Variants in ACTN4 observed in about 807,000 individuals in gnomAD.
The protein encoded by ACTN4 is alpha-actinin-4.
In ACTN4, 18 loss-of-function variants were observed where a neutral mutation model predicts 114.2. The observed-to-expected ratio is 0.16, with a 90% confidence interval of 0.11 to 0.23. The LOEUF (loss-of-function observed/expected upper bound fraction) is 0.23. ACTN4 is among the 10% of genes least tolerant of loss of function. The probability of loss-of-function intolerance (pLI) is 1.00; values close to 1 mark genes in which losing one functional copy is unlikely to be tolerated. For synonymous variants in ACTN4, 515 were observed against 506.3 expected (o/e 1.02, Z -0.23); for missense variants, 722 against 1,262.9 (o/e 0.57, Z 6.49).
intron 1 of ACTN4, among the ~76,000 whole-genome samples, chr19:38,663,066 C>A (rs894230732): frequency 6.6e-6 from 1 of 152,120 alleles, no homozygotes; most frequent in Admixed American, 6.6e-5. Flanking sequence ...CCGGCCACCA[C>A]GCCTAGCTAG....
At chr19:38,700,857 G>A in intron 2 of ACTN4, 143 bp downstream of exon 2, 2 of 1,389,476 alleles carry the variant, frequency 1.4e-6, no homozygotes, top group Non-Finnish European at 2.0e-6. Context: ...GTGGTCTGAT[G>A]GGTGGGGCCA....
chr19:38,647,694 C>T lies in ACTN4; in HGVS notation c.-52C>T, dbSNP rs909721531. 1.6e-5 allele frequency: 24 copies of T among 1,512,258 alleles called. No individual in the cohort carries two copies. Among genetic ancestry groups the T allele is most frequent in the Non-Finnish European group, 1.9e-5 (21 of 1,131,260 alleles). The allele number at this position is 1,512,258 out of a possible 1,614,324, so 93.7% of individuals were successfully genotyped here. A position where few individuals can be genotyped will look rare whatever the true frequency, so the allele number is the denominator to read the frequency against. On this transcript the variant is annotated 5_prime_UTR_variant, in exon 1 of 21. Coordinates refer to ENST00000252699, the MANE Select transcript of ACTN4 (RefSeq NM_004924.6). The stretch of plus-strand genomic sequence containing the variant: ...AGCGGCGGCGGCTCGGGCAGAGGGG[C>T]GGGAGCTGAGGCGGGAGCGGACAGG...
intron 1 of ACTN4, among the ~76,000 whole-genome samples, chr19:38,667,615 G>A (rs1473345679): frequency 6.6e-6 from 1 of 151,926 alleles, no homozygotes; most frequent in African/African-American, 2.4e-5. Context: ...AAGGCAGCGT[G>A]GTAAGTTAGA....
chr19:38,651,722 G>GTT (rs369180927), intron 1 of ACTN4, among the ~76,000 whole-genome samples: 1 of 151,138 alleles, frequency 6.6e-6, no homozygotes, highest in Admixed American at 6.6e-5. Context: ...TTTTGTATTT[G>GTT]TTTTTTTTGT....
chr19:38,707,217 A>C (rs1968491434), intron 5 of ACTN4, among the ~76,000 whole-genome samples: 1 of 151,198 alleles, frequency 6.6e-6, no homozygotes, highest in Non-Finnish European at 1.5e-5. Context: ...AACTGACTGA[A>C]TCTTTCTATA....
At chr19:38,669,607 T>TGGTG (rs2144877480) in intron 1 of ACTN4, among the ~76,000 whole-genome samples, 1 of 152,286 alleles carries the variant, frequency 6.6e-6, no homozygotes, top group South Asian at 2.1e-4. Context: ...CCTAGGAAGA[T>TGGTG]GGTGGCCCTT....
chr19:38,708,647 G>A (rs1362288798), intron 6 of ACTN4, among the ~76,000 whole-genome samples: 1 of 152,326 alleles, frequency 6.6e-6, no homozygotes, highest in South Asian at 2.1e-4. Flanking sequence ...TGCCAGCCTC[G>A]TGGGGGAAGG....
intron 1 of ACTN4, among the ~76,000 whole-genome samples, chr19:38,698,342 A>G (rs1258446598): frequency 2.6e-5 from 4 of 152,138 alleles, no homozygotes; most frequent in African/African-American, 7.2e-5. Flanking sequence ...TGAGTGGTGT[A>G]AGCATGGTTC....
chr19:38,729,166 C>A lies in ACTN4; in HGVS notation c.2577+12C>A, dbSNP rs758750616. The A allele has an allele frequency of 1.9e-6, 3 of 1,612,884 alleles. No individual in the cohort carries two copies. Among genetic ancestry groups the A allele is most frequent in the Non-Finnish European group, 2.5e-6 (3 of 1,179,988 alleles). On this transcript the variant is annotated intron_variant, in intron 20 of 20. Transcript: ENST00000252699. ...TAGCAGGGGACAAGGTGAGCGAGAC[C>A]CCTACGAGGTGCATGGGGGCTGGCG...
At chr19:38,704,028 G>A (rs903386232) in intron 3 of ACTN4, among the ~76,000 whole-genome samples, 1 of 152,198 alleles carries the variant, frequency 6.6e-6, no homozygotes, top group Admixed American at 6.5e-5. Flanking sequence ...CCCTTTCCCT[G>A]TGGGCCAGGC....
In ACTN4 at chr19:38,647,804, A is replaced by G. The variant is rs541285079; in HGVS notation, c.59A>G (p.Asn20Ser). 2.3e-5 allele frequency: 36 copies of G among 1,554,968 alleles called. No homozygotes were observed. Among genetic ancestry groups the G allele is most frequent in the Middle Eastern group, 1.7e-4 (1 of 5,798 alleles). Residue 20 changes from asparagine to serine, a missense_variant, in exon 1 of 21, where the codon AAT becomes AGT. Transcript: ENST00000252699. Reference sequence around the variant, plus strand: ...CAGTACGGCCCCAGCAGCGCGGGCAATGGCGCTGGCGGCGGGGGCAGCATG... The same window carrying G: ...CAGTACGGCCCCAGCAGCGCGGGCAGTGGCGCTGGCGGCGGGGGCAGCATG... ...SYQYGPSSAG[N>S]GAGGGGSMGD...
chr19:38,722,174 C>G (rs1969067606), intron 12 of ACTN4, among the ~76,000 whole-genome samples: 1 of 152,216 alleles, frequency 6.6e-6, no homozygotes, highest in Non-Finnish European at 1.5e-5. Context: ...CCCCTCCCCA[C>G]CCAGTCAGAT....
intron 3 of ACTN4, 68 bp from the exon 4 acceptor site, chr19:38,704,866 G>C (rs1968403462): frequency 6.8e-7 from 1 of 1,467,144 alleles, no homozygotes; most frequent in African/African-American, 1.4e-5. Flanking sequence ...GCCACCTTCA[G>C]GTTGGGCGGA....
intron 1 of ACTN4, among the ~76,000 whole-genome samples, chr19:38,695,223 C>T (rs547326415): frequency 6.6e-6 from 1 of 152,196 alleles, no homozygotes; most frequent in African/African-American, 2.4e-5. Flanking sequence ...GTGTCCAGTA[C>T]ATAATAGGGC....
chr19:38,710,415 C>G, intron 8 of ACTN4, 73 bp downstream of exon 8: 1 of 1,494,690 alleles, frequency 6.7e-7, no homozygotes, highest in Non-Finnish European at 9.2e-7. Context: ...GCCTCCCGTG[C>G]TCACCTCATT....
chr19:38,683,630 A>AT (rs1198246960), intron 1 of ACTN4, among the ~76,000 whole-genome samples: 1 of 152,052 alleles, frequency 6.6e-6, no homozygotes, highest in Non-Finnish European at 1.5e-5. Context: ...ATAAATTGTT[A>AT]TTTCCTATAT....
rs577825668 is a variant in ACTN4, at chr19:38,665,378, C to T, written c.162+17471C>T. Among the ~76,000 whole-genome samples the T allele has an allele frequency of 2.6e-5, 4 of 152,272 alleles. No individual in the cohort carries two copies. In the East Asian group the frequency reaches 7.7e-4, roughly 29 times the overall value. On this transcript the variant is annotated intron_variant, in intron 1 of 20. Coordinates refer to ENST00000252699, the MANE Select transcript of ACTN4 (RefSeq NM_004924.6). ...AGTTTGAGGATTAGACGTGATAGTG[C>T]GCAGGAAGCACTCTGGTGCCTGGTA...
chr19:38,728,483 TTCC>T, intron 19 of ACTN4: 1 of 693,418 alleles, frequency 1.4e-6, no homozygotes, highest in Non-Finnish European at 2.0e-6. Flanking sequence ...CCTCCAGAGC[TTCC>T]TCGTCCTCGG....
Position 38,731,227 on chromosome 19 carries a change from G to A in ACTN4, c.*1795G>A, listed in dbSNP as rs756097316. The A allele has an allele frequency of 4.3e-6, 7 of 1,611,242 alleles. No homozygotes were observed. Among genetic ancestry groups the A allele is most frequent in the Non-Finnish European group, 5.9e-6 (7 of 1,179,168 alleles). On this transcript the variant is annotated 3_prime_UTR_variant, in exon 21 of 21. Transcript: ENST00000252699. The stretch of plus-strand genomic sequence containing the variant: ...AGCTGGTTGTTCAGGTGGAAGCCTA[G>A]GGGGAGGCTGCTTCTGAGCCCAGTG...
Sources: allele counts gnomAD v4.1 joint callset (sites outside exome capture counted in the v4.1 genomes callset), GRCh38; gene constraint gnomAD v4.1.1; transcripts MANE v1.5; gene names NCBI Gene and HGNC (gene_info 2026-07-23, HGNC 2026-07-21).